The following GATB variants were observed in gnomAD, a reference collection of about 807,000 sequenced individuals.
GATB encodes glutamyl-tRNA(Gln) amidotransferase subunit B, mitochondrial.
Under a neutral mutation model 62.3 loss-of-function variants are expected in GATB, and 39 were observed. That is an observed-to-expected ratio of 0.63 (90% CI 0.48 to 0.82). The LOEUF (loss-of-function observed/expected upper bound fraction) is 0.82, where lower values mean the gene tolerates loss of function less well. Ranked by LOEUF, GATB falls within the 40% of genes least tolerant of loss-of-function variation. The probability of loss-of-function intolerance (pLI) is 0.00; values close to 1 mark genes in which losing one functional copy is unlikely to be tolerated. For missense variants in GATB, 670 were observed against 684.0 expected (o/e 0.98, Z 0.23); for synonymous variants, 276 against 258.9 (o/e 1.07, Z -0.63).
At chr4:151,697,959 A>ATATATATATATATATATATATGTGTATG (rs1738513876) in intron 9 of GATB, among the ~76,000 whole-genome samples, 5 of 54,972 alleles carry the variant, frequency 9.1e-5, no homozygotes, top group African/African-American at 3.4e-4. Flanking sequence ...GTGTGTATAT[A>ATATATATATATATATATATATGTGTATG]TATATATATA....
At chr4:151,682,400 C>T (rs1161171298) in intron 10 of GATB, among the ~76,000 whole-genome samples, 3 of 152,144 alleles carry the variant, frequency 2.0e-5, no homozygotes, top group Non-Finnish European at 2.9e-5. Flanking sequence ...CCCTCAGACT[C>T]GACACGCAAT....
intron 2 of GATB, among the ~76,000 whole-genome samples, chr4:151,747,928 A>C (rs1225531100): frequency 6.6e-6 from 1 of 152,200 alleles, no homozygotes; most frequent in Non-Finnish European, 1.5e-5. Flanking sequence ...GTAAGAAGCA[A>C]TATCTGCTAC....
intron 2 of GATB, among the ~76,000 whole-genome samples, chr4:151,748,805 C>T (rs1739656247): frequency 6.6e-6 from 1 of 152,102 alleles, no homozygotes; most frequent in Non-Finnish European, 1.5e-5. Context: ...AGAACTCAAA[C>T]AAATTTACAA....
At chr4:151,716,179 C>A (rs569270398) in intron 4 of GATB, 48 bp from the exon 5 acceptor site, 1 of 1,576,980 alleles carries the variant, frequency 6.3e-7, no homozygotes. Context: ...TCCAATTTCA[C>A]CAACAGAAAA....
chr4:151,717,263 C>T, intron 3 of GATB, 189 bp from the exon 4 acceptor site: 3 of 590,656 alleles, frequency 5.1e-6, no homozygotes, highest in East Asian at 5.7e-5. Flanking sequence ...CTCTTCTGCC[C>T]CTGCCATCAC....
chr4:151,733,532 C>T (rs1289117933), intron 2 of GATB, among the ~76,000 whole-genome samples: 1 of 152,152 alleles, frequency 6.6e-6, no homozygotes, highest in African/African-American at 2.4e-5. Context: ...AGAATTCTAC[C>T]AGACATTCAA....
At chr4:151,694,535 C>T (rs1738430965) in intron 9 of GATB, among the ~76,000 whole-genome samples, 1 of 152,110 alleles carries the variant, frequency 6.6e-6, no homozygotes, top group Admixed American at 6.6e-5. Flanking sequence ...GTAAAAGCAC[C>T]CTTAGGCTAG....
intron 9 of GATB, among the ~76,000 whole-genome samples, chr4:151,699,963 C>T (rs1304822687): frequency 1.3e-5 from 2 of 152,166 alleles, no homozygotes; most frequent in South Asian, 2.1e-4. Flanking sequence ...TGGTCCCTTC[C>T]TCCCATCTCC....
At chr4:151,710,504 C>T (rs144447993) in intron 5 of GATB, among the ~76,000 whole-genome samples, 30 of 152,268 alleles carry the variant, frequency 2.0e-4, no homozygotes, top group African/African-American at 7.2e-4. Flanking sequence ...CCCATTTATT[C>T]CTTAACCCAC....
At chr4:151,760,480 T>C (rs901732088) in intron 1 of GATB, among the ~76,000 whole-genome samples, 13 of 152,198 alleles carry the variant, frequency 8.5e-5, no homozygotes, top group African/African-American at 3.1e-4. Context: ...ATGATCCCGC[T>C]TCTCGTGTCA....
At chr4:151,733,500 C>T (rs1322847121) in intron 2 of GATB, among the ~76,000 whole-genome samples, 3 of 152,104 alleles carry the variant, frequency 2.0e-5, no homozygotes, top group East Asian at 3.9e-4. Flanking sequence ...CAAAAAAAGT[C>T]CAGGACCAGA....
At chr4:151,712,280 T>C (rs1280968073) in intron 5 of GATB, among the ~76,000 whole-genome samples, 2 of 152,114 alleles carry the variant, frequency 1.3e-5, no homozygotes, top group African/African-American at 4.8e-5. Context: ...GAAGACAAAA[T>C]ACCTTTTAAA....
At chr4:151,703,309 A>T (rs1269296340) in intron 8 of GATB, 1 of 152,740 alleles carries the variant, frequency 6.5e-6, no homozygotes, top group Non-Finnish European at 1.5e-5. Flanking sequence ...TGCTAAACTC[A>T]ATGAGAAAAA....
chr4:151,708,158 T>G, intron 5 of GATB, 57 bp from the exon 6 acceptor site: 1 of 1,172,058 alleles, frequency 8.5e-7, no homozygotes, highest in Admixed American at 1.8e-5. Flanking sequence ...CATAGTCTTT[T>G]AAAGGCAGGG....
intron 2 of GATB, among the ~76,000 whole-genome samples, chr4:151,743,887 TC>T (rs775468093): frequency 3.9e-5 from 6 of 152,192 alleles, no homozygotes; most frequent in Non-Finnish European, 8.8e-5. Context: ...TCAGAAATAA[TC>T]ATTGAGAAGT....
At chr4:151,752,371 G>A (rs770713549) in intron 2 of GATB, among the ~76,000 whole-genome samples, 4 of 152,144 alleles carry the variant, frequency 2.6e-5, no homozygotes, top group African/African-American at 4.8e-5. Context: ...TAATCCACGT[G>A]TTTTGTTTGA....
intron 2 of GATB, among the ~76,000 whole-genome samples, chr4:151,757,798 T>A (rs1739866209): frequency 6.6e-6 from 1 of 152,140 alleles, no homozygotes; most frequent in African/African-American, 2.4e-5. Flanking sequence ...CCACTCTTAT[T>A]TAAATGTTTG....
Position 151,679,812 on chromosome 4 carries a change from C to A in GATB, c.1410+1G>T. The A allele has an allele frequency of 6.2e-7, 1 of 1,613,460 alleles. No homozygotes were observed. The highest frequency in any genetic ancestry group is 8.5e-7 in the Non-Finnish European group (1 of 1,179,404). ...AGAAGCTGTCGGGAGTGTGGACATA[C>A]CTGTTTAGCTGCTGATGAAGAAATT... On this transcript the variant is annotated splice_donor_variant, in intron 11 of 12. Transcript: ENST00000263985. LOFTEE classifies it high-confidence loss of function.
chr4:151,683,162 C>G (rs905902134), intron 10 of GATB, among the ~76,000 whole-genome samples: 4 of 146,968 alleles, frequency 2.7e-5, no homozygotes, highest in Non-Finnish European at 5.9e-5. Flanking sequence ...TTTGGCTGAC[C>G]TTGCAGTCAC....
Sources: allele counts gnomAD v4.1 joint callset (sites outside exome capture counted in the v4.1 genomes callset), GRCh38; gene constraint gnomAD v4.1.1; transcripts MANE v1.5; gene names NCBI Gene and HGNC (gene_info 2026-07-23, HGNC 2026-07-21).